GPC5: variants seen among roughly 807,000 people sequenced by gnomAD.
GPC5 encodes glypican 5, also known as glypican-5.
A neutral mutation model predicts 53.9 loss-of-function variants in GPC5; 47 were observed. The observed-to-expected ratio is 0.87, with a 90% CI of 0.69 to 1.11. The LOEUF is 1.11. Ranked by LOEUF, GPC5 falls within the 50% of genes most tolerant of loss-of-function variation. The pLI is 0.00. For missense variants in GPC5, 748 were observed against 713.1 expected (o/e 1.05, Z -0.56); for synonymous variants, 286 against 263.3 (o/e 1.09, Z -0.84).
chr13:91,803,637 G>A (rs1233126805), intron 5 of GPC5, among the ~76,000 whole-genome samples: 3 of 152,036 alleles, frequency 2.0e-5, no homozygotes, highest in Non-Finnish European at 2.9e-5. Flanking sequence ...AGAATTTTTC[G>A]TAAGATTGTT....
At chr13:92,501,507 G>C (rs1171710118) in intron 7 of GPC5, among the ~76,000 whole-genome samples, 1 of 152,068 alleles carries the variant, frequency 6.6e-6, no homozygotes, top group African/African-American at 2.4e-5. Context: ...GAGGCAAAGA[G>C]CGTAGACCAG....
chr13:92,017,337 G>A (rs1045514759), intron 6 of GPC5, among the ~76,000 whole-genome samples: 5 of 152,072 alleles, frequency 3.3e-5, no homozygotes, highest in African/African-American at 4.8e-5. Flanking sequence ...GAGAGAGCTG[G>A]CTCTTTTTTT....
At chr13:91,577,638 TCA>T (rs2032187724) in intron 2 of GPC5, among the ~76,000 whole-genome samples, 2 of 152,144 alleles carry the variant, frequency 1.3e-5, no homozygotes, top group Non-Finnish European at 2.9e-5. Context: ...CAAGCTTCTG[TCA>T]TAATTATGAA....
intron 6 of GPC5, among the ~76,000 whole-genome samples, chr13:91,916,040 G>C (rs1398453256): frequency 6.6e-6 from 1 of 152,158 alleles, no homozygotes; most frequent in Non-Finnish European, 1.5e-5. Flanking sequence ...TTAGCACAAG[G>C]CATGTGGCTA....
intron 7 of GPC5, among the ~76,000 whole-genome samples, chr13:92,436,965 A>C (rs114322974): frequency 6.6e-6 from 1 of 152,216 alleles, no homozygotes; most frequent in Admixed American, 6.5e-5. Context: ...AAGGGAAAAC[A>C]TGACAAAATA....
At chr13:92,795,009 T>C (rs1377967033) in intron 7 of GPC5, among the ~76,000 whole-genome samples, 3 of 152,122 alleles carry the variant, frequency 2.0e-5, no homozygotes, top group African/African-American at 7.2e-5. Context: ...ACCAATGACT[T>C]TCTTAACAGA....
At chr13:92,072,406 A>AC (rs1417317001) in intron 6 of GPC5, among the ~76,000 whole-genome samples, 1 of 151,382 alleles carries the variant, frequency 6.6e-6, no homozygotes, top group Non-Finnish European at 1.5e-5. Flanking sequence ...AGCTGGGACT[A>AC]CAGGCGTGCA....
intron 6 of GPC5, among the ~76,000 whole-genome samples, chr13:91,962,818 A>G (rs2040138598): frequency 6.6e-6 from 1 of 152,196 alleles, no homozygotes; most frequent in Admixed American, 6.5e-5. Flanking sequence ...ATTATTATAT[A>G]TGGTAGAGGT....
intron 7 of GPC5, among the ~76,000 whole-genome samples, chr13:92,195,205 A>G (rs74861027): frequency 7.0e-4 from 106 of 152,320 alleles, no homozygotes; most frequent in Non-Finnish European, 1.3e-3. Flanking sequence ...TCTAATCTAG[A>G]GACAGCCAAA....
intron 7 of GPC5, among the ~76,000 whole-genome samples, chr13:92,730,636 C>A (rs1888774592): frequency 6.6e-6 from 1 of 151,102 alleles, no homozygotes; most frequent in African/African-American, 2.4e-5. Flanking sequence ...CCAATTGTTC[C>A]AGTATCATTT....
intron 7 of GPC5, among the ~76,000 whole-genome samples, chr13:92,528,319 A>C (rs1881436426): frequency 6.6e-6 from 1 of 152,150 alleles, no homozygotes; most frequent in Non-Finnish European, 1.5e-5. Flanking sequence ...TTGGCCATGC[A>C]GGTCCTTTTG....
At chr13:92,021,505 A>G (rs1041405607) in intron 6 of GPC5, among the ~76,000 whole-genome samples, 7 of 152,184 alleles carry the variant, frequency 4.6e-5, no homozygotes, top group Non-Finnish European at 8.8e-5. Flanking sequence ...CAGTGGGTAT[A>G]AACTTTCAGT....
At chr13:92,404,068 C>T (rs947112046) in intron 7 of GPC5, among the ~76,000 whole-genome samples, 1 of 152,024 alleles carries the variant, frequency 6.6e-6, no homozygotes, top group African/African-American at 2.4e-5. Context: ...TGAACTTGTC[C>T]AATATTCATA....
chr13:92,787,960 G>C (rs1446062364), intron 7 of GPC5, among the ~76,000 whole-genome samples: 2 of 151,600 alleles, frequency 1.3e-5, no homozygotes, highest in African/African-American at 4.8e-5. Flanking sequence ...AAACAGAATG[G>C]AAAGAATAGT....
chr13:92,327,402 CT>C (rs2043259432), intron 7 of GPC5, among the ~76,000 whole-genome samples: 1 of 152,114 alleles, frequency 6.6e-6, no homozygotes, highest in Admixed American at 6.6e-5. Context: ...GGAAATTAGA[CT>C]TGTCTAGTTC....
intron 5 of GPC5, among the ~76,000 whole-genome samples, chr13:91,880,508 A>T (rs1266873655): frequency 6.6e-6 from 1 of 152,136 alleles, no homozygotes; most frequent in Non-Finnish European, 1.5e-5. Context: ...TTCTTGAGTT[A>T]AATTCTTAAC....
intron 3 of GPC5, among the ~76,000 whole-genome samples, chr13:91,720,526 T>G (rs2139962445): frequency 6.6e-6 from 1 of 152,252 alleles, no homozygotes; most frequent in Admixed American, 6.5e-5. Flanking sequence ...CACATCTAAA[T>G]GTTGGAATGC....
At chr13:91,670,549 A>T (rs901195465) in intron 2 of GPC5, among the ~76,000 whole-genome samples, 2 of 152,222 alleles carry the variant, frequency 1.3e-5, no homozygotes, top group Non-Finnish European at 2.9e-5. Flanking sequence ...AGAAAACAAT[A>T]TATTCTTTCT....
At chr13:92,860,122 C>T (rs770447739) in intron 7 of GPC5, among the ~76,000 whole-genome samples, 3 of 152,120 alleles carry the variant, frequency 2.0e-5, no homozygotes, top group Admixed American at 6.5e-5. Flanking sequence ...TATCTCATTA[C>T]TTCATTTCAT....
Sources: allele counts gnomAD v4.1 joint callset (sites outside exome capture counted in the v4.1 genomes callset), GRCh38; gene constraint gnomAD v4.1.1; transcripts MANE v1.5; gene names NCBI Gene and HGNC (gene_info 2026-07-23, HGNC 2026-07-21).